Variants in TBC1D23 observed in about 807,000 individuals in gnomAD.
TBC1D23 encodes HCV non-structural protein 4A-transactivated protein 1.
In TBC1D23, 55 loss-of-function variants were observed where a neutral mutation model predicts 91.4. The ratio of observed to expected loss-of-function variants is 0.60; its 90% confidence interval spans 0.48 to 0.75. The LOEUF (loss-of-function observed/expected upper bound fraction) is 0.75, where lower values mean the gene tolerates loss of function less well. TBC1D23 is among the 30% of genes least tolerant of loss of function. TBC1D23 has a pLI of 0.00. For missense variants in TBC1D23, 725 were observed against 836.1 expected, an observed-to-expected ratio of 0.87 and a Z score of 1.64; for synonymous variants, 289 against 281.0, an observed-to-expected ratio of 1.03 and a Z score of -0.28.
chr3:100,299,128 A>G (rs1705368029), intron 9 of TBC1D23, 111 bp from the exon 10 acceptor site: 11 of 612,488 alleles, frequency 1.8e-5, no homozygotes, highest in Non-Finnish European at 3.2e-5. Context: ...TCCATGTGAG[A>G]TCCATTTTTT....
Position 100,261,028 on chromosome 3 carries a change from G to A in TBC1D23, c.10G>A (p.Gly4Arg), listed in dbSNP as rs1411150635. 5 of 1,613,958 alleles carry A rather than the reference G, an allele frequency of 3.1e-6. No homozygotes were observed. Among genetic ancestry groups the A allele is most frequent in the Non-Finnish European group, 4.2e-6 (5 of 1,179,954 alleles). The change falls in exon 1 of 19, where the codon GGA becomes AGA. Residue 4 changes from glycine (G) to arginine (R), a missense_variant. Gly to Arg is a moderately radical substitution (Grantham distance 125). Coordinates refer to ENST00000394144, the MANE Select transcript of TBC1D23 (RefSeq NM_001199198.3). MAE[G>R]EDVPPLPTSS... Reference sequence around the variant, plus strand: ...GTGGACGTCAACAGCAATGGCGGAAGGAGAAGATGTGCCGCCGCTGCCAAC... The same window carrying A: ...GTGGACGTCAACAGCAATGGCGGAAAGAGAAGATGTGCCGCCGCTGCCAAC...
chr3:100,295,604 G>T (rs955736376), intron 7 of TBC1D23, among the ~76,000 whole-genome samples: 1 of 151,690 alleles, frequency 6.6e-6, no homozygotes, highest in Non-Finnish European at 1.5e-5. Context: ...TTCACTGTTC[G>T]AATAGATTGC....
At chr3:100,310,606 AG>A in intron 14 of TBC1D23, 64 bp downstream of exon 14, 1 of 1,290,896 alleles carries the variant, frequency 7.7e-7, no homozygotes, top group East Asian at 2.4e-5. Flanking sequence ...AATGTCTTAG[AG>A]TAAGTAAATG....
chr3:100,269,379 T>C (rs984355187), intron 1 of TBC1D23, among the ~76,000 whole-genome samples: 1 of 152,228 alleles, frequency 6.6e-6, no homozygotes, highest in Non-Finnish European at 1.5e-5. Context: ...CCCCTTGGCA[T>C]ATAAATTTGT....
intron 10 of TBC1D23, among the ~76,000 whole-genome samples, chr3:100,300,086 A>G (rs965736107): frequency 4.6e-5 from 7 of 152,216 alleles, no homozygotes; most frequent in Non-Finnish European, 1.0e-4. Context: ...TATCTGGCAT[A>G]TAAGTACTTA....
intron 1 of TBC1D23, among the ~76,000 whole-genome samples, chr3:100,275,779 G>A (rs781589405): frequency 3.3e-5 from 5 of 152,124 alleles, no homozygotes; most frequent in Non-Finnish European, 7.4e-5. Context: ...ATTATGTAAT[G>A]GATGGATAAG....
intron 1 of TBC1D23, among the ~76,000 whole-genome samples, chr3:100,274,954 A>G (rs1394886002): frequency 7.0e-6 from 1 of 143,032 alleles, no homozygotes; most frequent in Admixed American, 7.2e-5. Context: ...GGTTGCATTC[A>G]CCTTTGGGCT....
At chr3:100,296,988 A>G (rs2067847494) in intron 8 of TBC1D23, among the ~76,000 whole-genome samples, 1 of 152,184 alleles carries the variant, frequency 6.6e-6, no homozygotes, top group Admixed American at 6.5e-5. Flanking sequence ...AAGAAAGGTC[A>G]TTTAGGCCCC....
At chr3:100,307,030 A>G (rs1396194423) in intron 13 of TBC1D23, among the ~76,000 whole-genome samples, 1 of 152,228 alleles carries the variant, frequency 6.6e-6, no homozygotes, top group African/African-American at 2.4e-5. Context: ...GAGTCTATCC[A>G]CATTTGAGAA....
At chr3:100,318,318 T>G (rs1705790024) in intron 16 of TBC1D23, among the ~76,000 whole-genome samples, 4 of 152,060 alleles carry the variant, frequency 2.6e-5, no homozygotes, top group Admixed American at 2.6e-4. Context: ...AACCTTAAAT[T>G]TTTACTTATT....
intron 1 of TBC1D23, among the ~76,000 whole-genome samples, chr3:100,268,638 T>C (rs916326662): frequency 6.6e-6 from 1 of 152,206 alleles, no homozygotes; most frequent in Non-Finnish European, 1.5e-5. Flanking sequence ...CTCTCTCTCT[T>C]TGCTGTTTTC....
At chr3:100,289,703 A>G (rs1354064229) in intron 4 of TBC1D23, among the ~76,000 whole-genome samples, 1 of 152,124 alleles carries the variant, frequency 6.6e-6, no homozygotes, top group African/African-American at 2.4e-5. Flanking sequence ...TGATGACTAG[A>G]AACTGTAGGA....
chr3:100,263,994 G>C (rs1239746980), intron 1 of TBC1D23, among the ~76,000 whole-genome samples: 1 of 152,140 alleles, frequency 6.6e-6, no homozygotes, highest in Non-Finnish European at 1.5e-5. Flanking sequence ...GGTGATTTCT[G>C]TTTTCCCTCC....
chr3:100,274,536 A>G (rs1286376314), intron 1 of TBC1D23, among the ~76,000 whole-genome samples: 1 of 152,020 alleles, frequency 6.6e-6, no homozygotes, highest in Non-Finnish European at 1.5e-5. Context: ...ATCTTGCAGA[A>G]CTGAAACTTT....
intron 9 of TBC1D23, among the ~76,000 whole-genome samples, chr3:100,298,931 TTTATAATTAGTTTTATAATTAA>T (rs1315017045): frequency 2.6e-5 from 4 of 152,360 alleles, no homozygotes; most frequent in Non-Finnish European, 4.4e-5. Flanking sequence ...TATATAGCGT[TTTATAATTAGTTTTATAATTAA>T]TTATAATTAG....
At chr3:100,273,090 C>T (rs558275836) in intron 1 of TBC1D23, among the ~76,000 whole-genome samples, 10 of 152,336 alleles carry the variant, frequency 6.6e-5, no homozygotes, top group African/African-American at 1.9e-4. Flanking sequence ...CCCACGAGGC[C>T]ATATTTCAGA....
intron 4 of TBC1D23, among the ~76,000 whole-genome samples, chr3:100,285,376 C>T (rs1460927254): frequency 6.6e-6 from 1 of 152,136 alleles, no homozygotes; most frequent in African/African-American, 2.4e-5. Context: ...TAATGTTTAG[C>T]ATTATGTTTT....
Position 100,283,807 on chromosome 3 carries a change from C to T in TBC1D23, c.472C>T (p.Pro158Ser), listed in dbSNP as rs1342082335. 1 of 1,598,224 alleles carries T rather than the reference C, an allele frequency of 6.3e-7. No individual in the cohort carries two copies. The highest frequency in any genetic ancestry group is 1.7e-5 in the Admixed American group (1 of 59,908). The change falls in exon 4 of 19, where the codon CCC becomes TCC. Residue 158 changes from proline to serine, a missense_variant. Physicochemically the swap from Pro to Ser is moderately conservative, Grantham distance 74 (BLOSUM62 -1). Coordinates refer to ENST00000394144, the MANE Select transcript of TBC1D23 (RefSeq NM_001199198.3). ...TTATGCCATAATGAATAAGTACATT[C>T]CCAGGTAAAATATGATTCAGTTATT... ...CFYAIMNKYI[P>S]RDCSQKGRPF...
rs1198167342 is a variant in TBC1D23, at chr3:100,281,502, A to G, written c.166-240A>G. 3.3e-5 allele frequency among the ~76,000 whole-genome samples: 5 copies of G among 152,200 alleles called. No homozygotes were observed. In the East Asian group the frequency reaches 5.8e-4, roughly 18 times the overall value. On this transcript the variant is annotated intron_variant, in intron 2 of 18. Transcript: ENST00000394144. ...TAAATTTACATATCTAAATATATAA[A>G]TATTTTGGGTAATTTATTGTATTCA...
Sources: allele counts gnomAD v4.1 joint callset (sites outside exome capture counted in the v4.1 genomes callset), GRCh38; gene constraint gnomAD v4.1.1; transcripts MANE v1.5; gene names NCBI Gene and HGNC (gene_info 2026-07-23, HGNC 2026-07-21).